Variants in TBC1D8 observed in about 807,000 individuals in gnomAD.
TBC1D8 encodes the protein BUB2-like protein 1.
TBC1D8 carries 65 observed loss-of-function variants against 118.8 expected under a neutral mutation model. That is an observed-to-expected ratio of 0.55 (90% CI 0.45 to 0.67). The LOEUF is 0.67. Among genes scored for constraint, TBC1D8 ranks in the 30% least tolerant of loss-of-function variants. The probability of loss-of-function intolerance (pLI) is 0.00; values close to 1 mark genes in which losing one functional copy is unlikely to be tolerated. For synonymous variants in TBC1D8, 566 were observed against 595.8 expected, an observed-to-expected ratio of 0.95 and a Z score of 0.73; for missense variants, 1,376 against 1,471.2, an observed-to-expected ratio of 0.94 and a Z score of 1.06.
intron 17 of TBC1D8, chr2:101,017,806 T>C: frequency 6.5e-7 from 1 of 1,542,442 alleles, no homozygotes; most frequent in Non-Finnish European, 8.8e-7. Flanking sequence ...TTTTTAATAT[T>C]AGTTTTCATA....
intron 2 of TBC1D8, among the ~76,000 whole-genome samples, chr2:101,077,046 C>T (rs559449863): frequency 9.2e-5 from 14 of 152,304 alleles, no homozygotes; most frequent in South Asian, 4.1e-4. Context: ...TTTTTTGAGA[C>T]GGAGTCTCGC....
intron 4 of TBC1D8, among the ~76,000 whole-genome samples, chr2:101,051,031 A>G (rs1682038915): frequency 6.6e-6 from 1 of 152,192 alleles, no homozygotes; most frequent in South Asian, 2.1e-4. Context: ...CTTGCGTGTT[A>G]ATTTGCAAAG....
rs1274527031 is a variant in TBC1D8 at position 101,007,623 on chromosome 2, T to C, written c.*198A>G. 3.3e-6 allele frequency: 2 copies of C among 609,472 alleles called. No individual in the cohort carries two copies. Among genetic ancestry groups the C allele is most frequent in the Non-Finnish European group, 2.9e-6 (1 of 349,414 alleles). 37.8% of individuals were successfully genotyped at this position (609,472 alleles called of 1,614,324 possible). ...GCATCAAGGGAACCAATGGATACCT[T>C]AGGGCACTGACAATTCTCAATACAT... On this transcript the variant is annotated 3_prime_UTR_variant, in exon 20 of 20. Transcript: ENST00000409318.
At chr2:101,110,025 G>A in intron 1 of TBC1D8, 1 of 985,356 alleles carries the variant, frequency 1.0e-6, no homozygotes, top group Non-Finnish European at 1.2e-6. Context: ...TGGCGTCTCA[G>A]CGAGCACAAC....
chr2:101,008,069 C>T lies in TBC1D8; in HGVS notation c.3220G>A (p.Val1074Ile). The T allele has an allele frequency of 6.2e-7, 1 of 1,613,996 alleles. No individual in the cohort carries two copies. The highest frequency in any genetic ancestry group is 8.5e-7 in the Non-Finnish European group (1 of 1,179,888). The change falls in exon 20 of 20, where the codon GTT becomes ATT. Residue 1074 changes from valine to isoleucine, a missense_variant. Coordinates refer to ENST00000409318, the MANE Select transcript of TBC1D8 (RefSeq NM_001330348.2). ...RASAPSPEDSVFADTGKTPQD... is the reference protein window; with the variant it reads ...RASAPSPEDSIFADTGKTPQD... The stretch of plus-strand genomic sequence containing the variant: ...GGCGTCTTCCCAGTGTCTGCAAAAA[C>T]CGAGTCCTCAGGAGAAGGAGCTGAA...
intron 1 of TBC1D8, among the ~76,000 whole-genome samples, chr2:101,133,180 A>C (rs1488170253): frequency 6.6e-6 from 1 of 151,294 alleles, no homozygotes; most frequent in African/African-American, 2.4e-5. Flanking sequence ...AAAAAAGTAT[A>C]TCTCTCTGAA....
intron 3 of TBC1D8, among the ~76,000 whole-genome samples, chr2:101,055,856 C>T (rs146484965): frequency 6.6e-6 from 1 of 152,212 alleles, no homozygotes; most frequent in East Asian, 1.9e-4. Context: ...TAATTCAAAT[C>T]CCAGCTACTC....
intron 1 of TBC1D8, among the ~76,000 whole-genome samples, chr2:101,132,413 T>C (rs1458230959): frequency 6.6e-6 from 1 of 152,180 alleles, no homozygotes. Context: ...CATGATGTCT[T>C]TTATAGCACC....
intron 7 of TBC1D8, 48 bp from the exon 8 acceptor site, chr2:101,037,756 A>G (rs1681114527): frequency 6.2e-7 from 1 of 1,604,100 alleles, no homozygotes. Flanking sequence ...AGAGGAGAAA[A>G]TCATGGCTTT....
intron 5 of TBC1D8, among the ~76,000 whole-genome samples, chr2:101,042,003 C>T (rs1266460712): frequency 6.6e-6 from 1 of 151,114 alleles, no homozygotes; most frequent in East Asian, 1.9e-4. Flanking sequence ...CTAGCCTGGG[C>T]GACACAGTGA....
intron 1 of TBC1D8, among the ~76,000 whole-genome samples, chr2:101,098,592 T>G (rs1676626462): frequency 6.6e-6 from 1 of 152,164 alleles, no homozygotes; most frequent in Non-Finnish European, 1.5e-5. Context: ...GCACTTATTC[T>G]AAAATTGACC....
chr2:101,024,908 A>C (rs1680248501), intron 15 of TBC1D8, among the ~76,000 whole-genome samples: 1 of 152,198 alleles, frequency 6.6e-6, no homozygotes, highest in Admixed American at 6.5e-5. Context: ...GAGATGAATA[A>C]TTAAATATAT....
At chr2:101,109,435 A>T (rs1677440499) in intron 1 of TBC1D8, among the ~76,000 whole-genome samples, 1 of 152,230 alleles carries the variant, frequency 6.6e-6, no homozygotes, top group African/African-American at 2.4e-5. Context: ...GCAAATTTCA[A>T]ACGGGTCAAA....
chr2:101,054,458 A>T, intron 3 of TBC1D8, 122 bp from the exon 4 acceptor site: 1 of 933,684 alleles, frequency 1.1e-6, no homozygotes, highest in Non-Finnish European at 1.6e-6. Context: ...CGCTGCTTCA[A>T]CGACAGACAC....
At chr2:101,141,052 G>A (rs1318814458) in intron 1 of TBC1D8, among the ~76,000 whole-genome samples, 5 of 151,916 alleles carry the variant, frequency 3.3e-5, no homozygotes, top group African/African-American at 7.3e-5. Flanking sequence ...GTGAGCCACC[G>A]TGCCCAGCCT....
intron 1 of TBC1D8, among the ~76,000 whole-genome samples, chr2:101,091,136 T>A (rs1262094241): frequency 6.6e-6 from 1 of 151,858 alleles, no homozygotes; most frequent in Non-Finnish European, 1.5e-5. Flanking sequence ...TACAAAAAAA[T>A]TAGCTGGGCG....
intron 2 of TBC1D8, among the ~76,000 whole-genome samples, chr2:101,064,136 G>C (rs1339595425): frequency 6.6e-6 from 1 of 152,186 alleles, no homozygotes; most frequent in Non-Finnish European, 1.5e-5. Context: ...CTCCCAGTGG[G>C]AGTGTGTTTG....
At chr2:101,109,745 G>T (rs1302050179) in intron 1 of TBC1D8, 1 of 972,216 alleles carries the variant, frequency 1.0e-6, no homozygotes, top group Non-Finnish European at 1.2e-6. Flanking sequence ...CCCAGCCCTG[G>T]CTCCAGAGCC....
At chr2:101,008,939 G>C (rs1678961358) in intron 19 of TBC1D8, among the ~76,000 whole-genome samples, 1 of 152,224 alleles carries the variant, frequency 6.6e-6, no homozygotes. Flanking sequence ...TCCTCTGGTG[G>C]GAAGGCCATG....
Sources: allele counts gnomAD v4.1 joint callset (sites outside exome capture counted in the v4.1 genomes callset), GRCh38; gene constraint gnomAD v4.1.1; transcripts MANE v1.5; gene names NCBI Gene and HGNC (gene_info 2026-07-23, HGNC 2026-07-21).